Variants in CSF1R observed in about 807,000 individuals in gnomAD.
CSF1R encodes macrophage colony-stimulating factor 1 receptor.
In CSF1R, 40 loss-of-function variants were observed where a neutral mutation model predicts 110.0. The ratio of observed to expected loss-of-function variants is 0.36; its 90% confidence interval spans 0.28 to 0.47. The LOEUF (loss-of-function observed/expected upper bound fraction) is 0.47, where lower values mean the gene tolerates loss of function less well. CSF1R is among the 20% of genes least tolerant of loss of function. CSF1R has a pLI of 0.99. For missense variants in CSF1R, 1,052 were observed against 1,253.0 expected, an observed-to-expected ratio of 0.84 and a Z score of 2.42; for synonymous variants, 523 against 503.4, an observed-to-expected ratio of 1.04 and a Z score of -0.52.
chr5:150,074,436 T>C (rs1385741868), intron 5 of CSF1R, among the ~76,000 whole-genome samples: 1 of 151,124 alleles, frequency 6.6e-6, no homozygotes. Context: ...GCCTCCCGAG[T>C]AGCTGGGACA....
Position 150,098,889 on chromosome 5 carries a change from AC to A in CSF1R, c.-180-12283del, listed in dbSNP as rs376201127. 2.6e-3 allele frequency among the ~76,000 whole-genome samples: 340 copies of A among 133,048 alleles called. 3 individuals carry two copies. Among genetic ancestry groups the A allele is most frequent in the African/African-American group, 9.1e-3 (324 of 35,772 alleles). 87.3% of individuals were successfully genotyped at this position (133,048 alleles called of 152,430 possible). ...GCTGATAAGGATGAGAATACAAACA[AC>A]TTTTTTTTTTTTTTTTTTTTGAGAT... On this transcript the variant is annotated intron_variant, in intron 1 of 21. Coordinates refer to the CSF1R transcript ENST00000286301.
In CSF1R at chr5:150,059,734, T is replaced by C. The variant is rs753750318; in HGVS notation, c.2098A>G (p.Lys700Glu). The C allele has an allele frequency of 6.2e-7, 1 of 1,614,154 alleles. No homozygotes were observed. The highest frequency in any genetic ancestry group is 8.5e-7 in the Non-Finnish European group (1 of 1,180,008). ...GQDPEGGVDY[K>E]NIHLEKKYVR... ...TATTTCTTCTCGAGGTGGATGTTCTTATAGTCGACGCCTCCCTCGGGGTCC... is the reference window on the plus strand; with the variant it reads ...TATTTCTTCTCGAGGTGGATGTTCTCATAGTCGACGCCTCCCTCGGGGTCC... Residue 700 changes from lysine (K) to glutamate (E), a missense_variant, in exon 14 of 21, where the codon AAG becomes GAG. Around this residue, in one of 5 missense-constraint regions of CSF1R, gnomAD observed 124 missense variants for 117.7 expected, o/e 1.05. Transcript: ENST00000675795.
intron 10 of CSF1R, 101 bp downstream of exon 10, chr5:150,068,114 G>C: frequency 1.1e-6 from 1 of 874,404 alleles, no homozygotes; most frequent in Non-Finnish European, 1.8e-6. Flanking sequence ...TTAGCTGATG[G>C]ACTGACTGAG....
chr5:150,091,491 G>A (rs1273790058), upstream of CSF1R, among the ~76,000 whole-genome samples: 1 of 152,182 alleles, frequency 6.6e-6, no homozygotes, highest in Non-Finnish European at 1.5e-5. Context: ...AAAACACTGT[G>A]TTAAGTCAAT....
intron 5 of CSF1R, chr5:150,077,043 T>G: frequency 3.4e-6 from 2 of 583,784 alleles, no homozygotes; most frequent in East Asian, 6.0e-5. Flanking sequence ...GGCACTAAGG[T>G]GCACCCAATG....
At chr5:150,068,187 C>G (rs750576418) in intron 10 of CSF1R, 28 bp downstream of exon 10, 3 of 1,582,934 alleles carry the variant, frequency 1.9e-6, no homozygotes, top group Non-Finnish European at 2.6e-6. Context: ...ACTCAGGCAC[C>G]TGGCAGCCCC....
chr5:150,068,470 C>T, intron 9 of CSF1R, 140 bp from the exon 10 acceptor site: 1 of 591,158 alleles, frequency 1.7e-6, no homozygotes, highest in South Asian at 2.1e-5. Flanking sequence ...CTGGAAGCCT[C>T]TGGAGCCTCT....
chr5:150,108,546 C>T (rs900529675), intron 1 of CSF1R, among the ~76,000 whole-genome samples: 2 of 152,168 alleles, frequency 1.3e-5, no homozygotes, highest in Non-Finnish European at 2.9e-5. Flanking sequence ...ACACCAAGAC[C>T]ATCACTATGC....
At position 150,053,338 on chromosome 5, in the gene CSF1R, G is replaced by A. The variant is rs1055346373; in HGVS notation, c.*731C>T. 1 of 233,622 alleles carries A rather than the reference G, an allele frequency of 4.3e-6. No homozygotes were observed. Among genetic ancestry groups the A allele is most frequent in the Non-Finnish European group, 8.5e-6 (1 of 118,074 alleles). The allele number at this position is 233,622 out of a possible 1,614,324, so 14.5% of individuals were successfully genotyped here. ...TTAATGTGGACAGAGACATCCCACG[G>A]CGTGACTGTTAGTTAGGATGAGTCA... On this transcript the variant is annotated 3_prime_UTR_variant, in exon 21 of 21. Transcript: ENST00000675795.
At chr5:150,104,920 C>G (rs1350263514) in intron 1 of CSF1R, among the ~76,000 whole-genome samples, 5 of 151,316 alleles carry the variant, frequency 3.3e-5, no homozygotes, top group Non-Finnish European at 5.9e-5. Flanking sequence ...ATTCTGTCAC[C>G]CAGGCTGGAG....
At chr5:150,072,487 TA>T (rs896204595) in intron 6 of CSF1R, among the ~76,000 whole-genome samples, 1 of 151,730 alleles carries the variant, frequency 6.6e-6, no homozygotes, top group Non-Finnish European at 1.5e-5. Context: ...AAACTCCATC[TA>T]AAAAAAATAA....
intron 10 of CSF1R, chr5:150,066,904 C>G (rs866951305): frequency 6.5e-6 from 1 of 152,878 alleles, no homozygotes; most frequent in Non-Finnish European, 1.5e-5. Flanking sequence ...CCTCTGCACA[C>G]TCTGCCCTCT....
At chr5:150,077,229 C>T (rs368030262) in intron 5 of CSF1R, 47 bp downstream of exon 5, 3 of 1,612,352 alleles carry the variant, frequency 1.9e-6, no homozygotes, top group Admixed American at 3.3e-5. Flanking sequence ...TCTGCTCACA[C>T]TCCTGCAGGA....
At chr5:150,082,112 G>A (rs1199797915) in intron 1 of CSF1R, among the ~76,000 whole-genome samples, 1 of 152,224 alleles carries the variant, frequency 6.6e-6, no homozygotes, top group Non-Finnish European at 1.5e-5. Context: ...CAGGCAGGGA[G>A]AGGGAGTGCC....
chr5:150,090,963 C>A (rs1430684721), upstream of CSF1R, among the ~76,000 whole-genome samples: 3 of 152,134 alleles, frequency 2.0e-5, no homozygotes, highest in Non-Finnish European at 2.9e-5. Context: ...CACATCTACT[C>A]CCGAGTCTAA....
chr5:150,097,875 C>T (rs528578907), intron 1 of CSF1R, among the ~76,000 whole-genome samples: 1 of 152,298 alleles, frequency 6.6e-6, no homozygotes, highest in African/African-American at 2.4e-5. Context: ...AAAATCTCTG[C>T]AAGAAGTTTT....
chr5:150,093,398 A>G (rs1196515084), intron 1 of CSF1R, among the ~76,000 whole-genome samples: 1 of 152,124 alleles, frequency 6.6e-6, no homozygotes, highest in East Asian at 1.9e-4. Flanking sequence ...ATTTAAAGTA[A>G]CATTTTATCA....
intron 11 of CSF1R, 25 bp from the exon 12 acceptor site, chr5:150,061,620 G>A: frequency 6.2e-7 from 1 of 1,614,046 alleles, no homozygotes; most frequent in Non-Finnish European, 8.5e-7. Flanking sequence ...GGTCCCTTAA[G>A]TCCCTGGGCA....
intron 8 of CSF1R, 43 bp from the exon 9 acceptor site, chr5:150,070,106 C>A (rs767004994): frequency 1.2e-6 from 2 of 1,608,706 alleles, no homozygotes; most frequent in South Asian, 1.1e-5. Context: ...GGGTTCCCAG[C>A]GCCAGCATGT....
Sources: allele counts gnomAD v4.1 joint callset (sites outside exome capture counted in the v4.1 genomes callset), GRCh38; gene constraint gnomAD v4.1.1; regional missense constraint gnomAD v4.1.1; transcripts MANE v1.5; gene names NCBI Gene and HGNC (gene_info 2026-07-23, HGNC 2026-07-21).